Variants in GNAQ observed in about 807,000 individuals in gnomAD.
GNAQ encodes guanine nucleotide-binding protein G(q) subunit alpha.
A neutral mutation model predicts 43.9 loss-of-function variants in GNAQ; 8 were observed. The observed-to-expected ratio is 0.18, with a 90% CI of 0.11 to 0.33. The LOEUF is 0.33. Ranked by LOEUF, GNAQ falls within the 10% of genes least tolerant of loss-of-function variation. The pLI is 1.00. For synonymous variants in GNAQ, 155 were observed against 170.7 expected, an observed-to-expected ratio of 0.91 and a Z score of 0.71; for missense variants, 158 against 450.8, an observed-to-expected ratio of 0.35 and a Z score of 5.88.
At chr9:77,864,934 AT>A (rs781607410) in intron 2 of GNAQ, among the ~76,000 whole-genome samples, 10 of 152,140 alleles carry the variant, frequency 6.6e-5, no homozygotes, top group Admixed American at 1.3e-4. Context: ...ACTCTAGAGT[AT>A]TTTGAGTGTG....
chr9:77,810,101 T>G (rs1826892806), intron 3 of GNAQ, among the ~76,000 whole-genome samples: 1 of 152,158 alleles, frequency 6.6e-6, no homozygotes, highest in Non-Finnish European at 1.5e-5. Flanking sequence ...GATTAATAAT[T>G]TGTTCTTCAT....
chr9:77,880,289 T>C lies in GNAQ; in HGVS notation c.321+41872A>G, dbSNP rs111869225. Among the ~76,000 whole-genome samples, 596 of 152,326 alleles carry C rather than the reference T, an allele frequency of 3.9e-3. 5 individuals are homozygous for C. Among genetic ancestry groups the C allele is most frequent in the African/African-American group, 0.014 (575 of 41,586 alleles). ...GTTTAGGAATTTGTAATAATGTTTATAGTTCCACTCTCCAGTGGAATTATT... is the reference window on the plus strand; with the variant it reads ...GTTTAGGAATTTGTAATAATGTTTACAGTTCCACTCTCCAGTGGAATTATT... On this transcript the variant is annotated intron_variant, in intron 2 of 6. Transcript: ENST00000286548.
intron 1 of GNAQ, among the ~76,000 whole-genome samples, chr9:78,007,452 A>G (rs1823721434): frequency 1.3e-5 from 2 of 152,104 alleles, no homozygotes; most frequent in Admixed American, 1.3e-4. Context: ...AAAAAAAAAA[A>G]TCGAACAGCC....
chr9:77,811,821 T>C (rs902827730), intron 3 of GNAQ, among the ~76,000 whole-genome samples: 1 of 152,188 alleles, frequency 6.6e-6, no homozygotes, highest in Non-Finnish European at 1.5e-5. Flanking sequence ...AAAACATCCC[T>C]GGAGGAGACC....
At chr9:77,980,211 A>G (rs765716942) in intron 1 of GNAQ, among the ~76,000 whole-genome samples, 1 of 152,156 alleles carries the variant, frequency 6.6e-6, no homozygotes, top group Admixed American at 6.5e-5. Flanking sequence ...CTGCAGGGGT[A>G]CTATGAAGGC....
At chr9:77,945,575 G>A (rs1189901898) in intron 1 of GNAQ, among the ~76,000 whole-genome samples, 3 of 152,056 alleles carry the variant, frequency 2.0e-5, no homozygotes, top group Admixed American at 2.0e-4. Flanking sequence ...TAGGTTAGAG[G>A]TAAGCTACAT....
At chr9:77,987,906 G>T (rs1823461931) in intron 1 of GNAQ, among the ~76,000 whole-genome samples, 1 of 151,980 alleles carries the variant, frequency 6.6e-6, no homozygotes, top group Admixed American at 6.6e-5. Flanking sequence ...AAGAAAAGAA[G>T]AAGAAAGAAG....
At chr9:77,827,887 C>T (rs928521197) in intron 2 of GNAQ, among the ~76,000 whole-genome samples, 6 of 150,740 alleles carry the variant, frequency 4.0e-5, no homozygotes, top group African/African-American at 1.5e-4. Context: ...AAACAAACCC[C>T]GTCTCTACTA....
chr9:77,948,702 A>G (rs1001196952), intron 1 of GNAQ, among the ~76,000 whole-genome samples: 3 of 152,184 alleles, frequency 2.0e-5, no homozygotes, highest in Non-Finnish European at 4.4e-5. Flanking sequence ...CCTGTGAGGT[A>G]AATTTTATTT....
intron 3 of GNAQ, among the ~76,000 whole-genome samples, chr9:77,806,252 G>A (rs1826828267): frequency 1.3e-5 from 2 of 152,148 alleles, no homozygotes; most frequent in African/African-American, 4.8e-5. Flanking sequence ...GGTTAATTTT[G>A]ACACAATTCT....
rs182522139 is a variant in GNAQ at position 78,008,141 on chromosome 9, T to G, written c.136+22959A>C. Reference sequence around the variant, plus strand: ...ACAATAAGGTGAGACTCAAGGACACTTAGGTGTGTTGTTTGAGCCGCTGAA... The same window carrying G: ...ACAATAAGGTGAGACTCAAGGACACGTAGGTGTGTTGTTTGAGCCGCTGAA... On this transcript the variant is annotated intron_variant, in intron 1 of 6. Transcript: ENST00000286548. 5.9e-5 allele frequency among the ~76,000 whole-genome samples: 9 copies of G among 152,300 alleles called. No homozygotes were observed. The East Asian group carries it at 1.5e-3, about 26-fold the overall frequency.
rs1433256768 is a variant in GNAQ, at chr9:78,031,230, A to C, written c.6T>G (p.Thr2=). The C allele has an allele frequency of 3.9e-6, 6 of 1,522,916 alleles. No homozygotes were observed. Among genetic ancestry groups the C allele is most frequent in the Non-Finnish European group, 5.3e-6 (6 of 1,130,634 alleles). 94.3% of individuals were successfully genotyped at this position (1,522,916 alleles called of 1,614,324 possible). The change falls in exon 1 of 7, where the codon ACT becomes ACG. Residue 2 remains threonine, a synonymous_variant. Coordinates refer to ENST00000286548, the MANE Select transcript of GNAQ (RefSeq NM_002072.5). M[T]LESIMACCLS... ...GGCAGCACGCCATGATGGACTCCAG[A>C]GTCATTCTTCCAAAGTGCCTCCGCT...
At chr9:78,030,301 C>G (rs1824034481) in intron 1 of GNAQ, among the ~76,000 whole-genome samples, 1 of 152,178 alleles carries the variant, frequency 6.6e-6, no homozygotes, top group African/African-American at 2.4e-5. Flanking sequence ...CCACACAGCA[C>G]AACGCTCCCC....
intron 2 of GNAQ, among the ~76,000 whole-genome samples, chr9:77,874,814 T>C (rs914435095): frequency 6.6e-6 from 1 of 151,864 alleles, no homozygotes; most frequent in Non-Finnish European, 1.5e-5. Flanking sequence ...TTAGTAGAGG[T>C]TTCGCCATGT....
At position 77,838,777 on chromosome 9, in the gene GNAQ, C is replaced by T. The variant is rs183908578; in HGVS notation, c.322-23007G>A. Among the ~76,000 whole-genome samples the T allele has an allele frequency of 5.8e-3, 890 of 152,170 alleles. 8 individuals are homozygous for T. Among genetic ancestry groups the T allele is most frequent in the Non-Finnish European group, 9.5e-3 (644 of 68,008 alleles). On this transcript the variant is annotated intron_variant, in intron 2 of 6. Transcript: ENST00000286548. ...TTTCTGATTTGTCTACAAAGAGCTA[C>T]ATTACTTGTACAATTTAATATATAT...
At chr9:77,931,284 T>C (rs1416755690) in intron 1 of GNAQ, among the ~76,000 whole-genome samples, 4 of 151,766 alleles carry the variant, frequency 2.6e-5, no homozygotes, top group African/African-American at 9.7e-5. Flanking sequence ...AGACTTTTGC[T>C]CACTGCCAAT....
chr9:77,937,870 C>A (rs1406096967), intron 1 of GNAQ, among the ~76,000 whole-genome samples: 2 of 151,992 alleles, frequency 1.3e-5, no homozygotes, highest in African/African-American at 4.8e-5. Context: ...CCAGTCTGGG[C>A]AACAAGAGTG....
intron 1 of GNAQ, among the ~76,000 whole-genome samples, chr9:78,025,022 G>A (rs1823959390): frequency 6.6e-6 from 1 of 152,180 alleles, no homozygotes; most frequent in Admixed American, 6.5e-5. Flanking sequence ...GTTAACAACA[G>A]AGCTGTATAG....
chr9:77,716,769 T>C lies in GNAQ; in HGVS notation c.*4554A>G, dbSNP rs1226205992. 1 of 232,908 alleles carries C rather than the reference T, an allele frequency of 4.3e-6. No individual in the cohort carries two copies. The highest frequency in any genetic ancestry group is 1.3e-3 in the Middle Eastern group (1 of 782). The allele number at this position is 232,908 out of a possible 1,614,324, so 14.4% of individuals were successfully genotyped here. A position where few individuals can be genotyped will look rare whatever the true frequency, so the allele number is the denominator to read the frequency against. ...TAACATGTAAATGTCATTTGCTATA[T>C]TGGGTTGGAATCATACGGGGAAATG... On this transcript the variant is annotated 3_prime_UTR_variant, in exon 7 of 7. Coordinates refer to ENST00000286548, the MANE Select transcript of GNAQ (RefSeq NM_002072.5).
Sources: allele counts gnomAD v4.1 joint callset (sites outside exome capture counted in the v4.1 genomes callset), GRCh38; gene constraint gnomAD v4.1.1; transcripts MANE v1.5; gene names NCBI Gene and HGNC (gene_info 2026-07-23, HGNC 2026-07-21).